The following THSD7A variants were observed in gnomAD, a reference collection of about 807,000 sequenced individuals.
The protein encoded by THSD7A is thrombospondin type 1 domain containing 7A, also known as thrombospondin type-1 domain-containing protein 7A.
In THSD7A, 96 loss-of-function variants were observed where a neutral mutation model predicts 231.3. The observed-to-expected ratio is 0.41, with a 90% confidence interval of 0.35 to 0.49. THSD7A has a LOEUF of 0.49. THSD7A is among the 20% of genes least tolerant of loss of function. The pLI is 0.05. For synonymous variants in THSD7A, 940 were observed against 743.3 expected, an observed-to-expected ratio of 1.26 and a Z score of -4.30; for missense variants, 2,290 against 2,070.2, an observed-to-expected ratio of 1.11 and a Z score of -2.06.
chr7:11,521,668 A>G lies in THSD7A; in HGVS notation c.1822+19751T>C, dbSNP rs980278583. On this transcript the variant is annotated intron_variant, in intron 6 of 27. Transcript: ENST00000423059. Reference sequence around the variant, plus strand: ...ACTAACGTGTCATCTAGCATTAGGTATATCTCCCAATGCTATCCCTCCCCC... The same window carrying G: ...ACTAACGTGTCATCTAGCATTAGGTGTATCTCCCAATGCTATCCCTCCCCC... 4.6e-5 allele frequency among the ~76,000 whole-genome samples: 6 copies of G among 130,182 alleles called. 1 individual carries two copies. The highest frequency in any genetic ancestry group is 1.2e-4 in the African/African-American group (4 of 32,204). 85.4% of individuals were successfully genotyped at this position (130,182 alleles called of 152,430 possible). A position where few individuals can be genotyped will look rare whatever the true frequency, so the allele number is the denominator to read the frequency against.
chr7:11,761,785 C>T (rs575750677), intron 1 of THSD7A, among the ~76,000 whole-genome samples: 16 of 151,880 alleles, frequency 1.1e-4, no homozygotes, highest in Non-Finnish European at 1.6e-4. Flanking sequence ...TGGGGGTACA[C>T]GTGCAGGTTT....
intron 6 of THSD7A, among the ~76,000 whole-genome samples, chr7:11,529,146 A>G (rs1022555067): frequency 2.0e-5 from 3 of 152,200 alleles, no homozygotes; most frequent in South Asian, 2.1e-4. Context: ...AATACTTTTT[A>G]TAAGTTTGGT....
chr7:11,643,143 C>A (rs565095159), intron 1 of THSD7A, among the ~76,000 whole-genome samples: 1 of 152,150 alleles, frequency 6.6e-6, no homozygotes, highest in South Asian at 2.1e-4. Flanking sequence ...TCTTGTTTGA[C>A]TAAATATGTT....
intron 6 of THSD7A, among the ~76,000 whole-genome samples, chr7:11,530,891 A>G (rs945318770): frequency 6.6e-6 from 1 of 152,048 alleles, no homozygotes; most frequent in Admixed American, 6.6e-5. Context: ...GGTGTCTGTA[A>G]TCCCAACTAC....
chr7:11,540,762 CAG>C (rs1789111302), intron 6 of THSD7A, among the ~76,000 whole-genome samples: 2 of 152,330 alleles, frequency 1.3e-5, no homozygotes, highest in East Asian at 3.9e-4. Flanking sequence ...AACATCAAGA[CAG>C]TATATTTTAT....
At chr7:11,466,553 T>G (rs898352940) in intron 9 of THSD7A, among the ~76,000 whole-genome samples, 1 of 152,104 alleles carries the variant, frequency 6.6e-6, no homozygotes, top group Non-Finnish European at 1.5e-5. Context: ...CTTTAAAAAA[T>G]TTTTATTTCC....
At position 11,460,722 on chromosome 7, in the gene THSD7A, T is replaced by A. The variant is rs1785474548; in HGVS notation, c.2545A>T (p.Ser849Cys). ...GCTCCAGGGCTGTCTTGTTGCACGC[T>A]CCAAGGGACTAATTGGCATCTGCGC... The part of the protein sequence containing the change: ...KWRRCQLVPW[S>C]VQQDSPGAQE... Residue 849 changes from serine to cysteine, a missense_variant, in exon 11 of 28, where the codon AGC becomes TGC. Physicochemically the swap from Ser to Cys is moderately radical, Grantham distance 112 (BLOSUM62 -1). Transcript: ENST00000423059. 6.2e-7 allele frequency: 1 copy of A among 1,612,670 alleles called. No homozygotes were observed. Among genetic ancestry groups the A allele is most frequent in the Non-Finnish European group, 8.5e-7 (1 of 1,179,416 alleles).
intron 1 of THSD7A, among the ~76,000 whole-genome samples, chr7:11,723,086 A>C (rs1781415017): frequency 6.6e-6 from 1 of 151,434 alleles, no homozygotes; most frequent in Non-Finnish European, 1.5e-5. Flanking sequence ...CCAAATGTCC[A>C]ACAATGACAG....
intron 27 of THSD7A, 35 bp from the exon 28 acceptor site, chr7:11,375,913 C>T: frequency 6.3e-7 from 1 of 1,592,146 alleles, no homozygotes; most frequent in Non-Finnish European, 8.6e-7. Flanking sequence ...GAAAGAAAAT[C>T]AGTTTCTAAT....
At chr7:11,703,384 G>T (rs1242478884) in intron 1 of THSD7A, among the ~76,000 whole-genome samples, 1 of 151,176 alleles carries the variant, frequency 6.6e-6, no homozygotes, top group African/African-American at 2.4e-5. Flanking sequence ...GAGGATCAGA[G>T]ATTTTATTTC....
At chr7:11,809,815 T>C (rs1268673106) in intron 1 of THSD7A, among the ~76,000 whole-genome samples, 1 of 152,168 alleles carries the variant, frequency 6.6e-6, no homozygotes, top group Non-Finnish European at 1.5e-5. Flanking sequence ...TTGAGTCTTA[T>C]ATGTACCAAA....
intron 2 of THSD7A, among the ~76,000 whole-genome samples, chr7:11,603,717 T>C (rs866550253): frequency 1.3e-5 from 2 of 151,644 alleles, no homozygotes; most frequent in Admixed American, 1.3e-4. Context: ...GATGAGTTCA[T>C]GTCCTTTGTA....
intron 1 of THSD7A, among the ~76,000 whole-genome samples, chr7:11,671,559 T>C (rs915824830): frequency 1.3e-5 from 2 of 152,306 alleles, no homozygotes; most frequent in African/African-American, 2.4e-5. Flanking sequence ...ATTTAGAGTT[T>C]TATACCCCTT....
intron 13 of THSD7A, among the ~76,000 whole-genome samples, chr7:11,443,607 CTT>C (rs914924121): frequency 2.0e-5 from 3 of 151,024 alleles, no homozygotes; most frequent in Non-Finnish European, 3.0e-5. Flanking sequence ...CATCATTAGA[CTT>C]TTTTTTTGTT....
intron 1 of THSD7A, among the ~76,000 whole-genome samples, chr7:11,821,524 GA>G (rs201870071): frequency 0.016 from 2,355 of 151,240 alleles, 62 homozygotes; most frequent in African/African-American, 0.052. Context: ...CACCTCAAAA[GA>G]AAAAAAATAA....
At chr7:11,568,660 AT>A (rs1790483230) in intron 4 of THSD7A, among the ~76,000 whole-genome samples, 1 of 143,818 alleles carries the variant, frequency 7.0e-6, no homozygotes, top group African/African-American at 2.5e-5. Context: ...AAAAACCAAA[AT>A]CTGGAACAAG....
At chr7:11,703,241 C>T (rs1584236198) in intron 1 of THSD7A, among the ~76,000 whole-genome samples, 1 of 151,100 alleles carries the variant, frequency 6.6e-6, no homozygotes, top group African/African-American at 2.4e-5. Context: ...TATTTTTTTT[C>T]CCAAACTGTC....
chr7:11,454,071 G>T (rs955294070), intron 11 of THSD7A, among the ~76,000 whole-genome samples: 61 of 152,108 alleles, frequency 4.0e-4, no homozygotes, highest in African/African-American at 1.2e-3. Flanking sequence ...TGAATAGTAT[G>T]AAGAAAATAT....
chr7:11,507,494 G>T (rs1175758193), intron 6 of THSD7A, among the ~76,000 whole-genome samples: 2 of 151,708 alleles, frequency 1.3e-5, no homozygotes, highest in African/African-American at 2.4e-5. Context: ...ATACTGACTT[G>T]TGTATGAAAT....
Sources: allele counts gnomAD v4.1 joint callset (sites outside exome capture counted in the v4.1 genomes callset), GRCh38; gene constraint gnomAD v4.1.1; transcripts MANE v1.5; gene names NCBI Gene and HGNC (gene_info 2026-07-23, HGNC 2026-07-21).